The following GALNTL6 variants were observed in gnomAD, a reference collection of about 807,000 sequenced individuals.
The protein encoded by GALNTL6 is polypeptide N-acetylgalactosaminyltransferase-like 6.
Under a neutral mutation model 73.7 loss-of-function variants are expected in GALNTL6, and 46 were observed. That is an observed-to-expected ratio of 0.62 (90% CI 0.49 to 0.80). The LOEUF (loss-of-function observed/expected upper bound fraction) is 0.80, where lower values mean the gene tolerates loss of function less well. Among genes scored for constraint, GALNTL6 ranks in the 30% least tolerant of loss-of-function variants. The pLI is 0.00. For synonymous variants in GALNTL6, 259 were observed against 263.7 expected (o/e 0.98, Z 0.17); for missense variants, 604 against 755.0 (o/e 0.80, Z 2.34).
In GALNTL6 at chr4:172,809,685, C is replaced by A; in HGVS notation, c.739+139C>A. 1.6e-6 allele frequency: 1 copy of A among 610,550 alleles called. No homozygotes were observed. Among genetic ancestry groups the A allele is most frequent in the East Asian group, 2.9e-5 (1 of 34,120 alleles). The allele number at this position is 610,550 out of a possible 1,614,324, so 37.8% of individuals were successfully genotyped here. On this transcript the variant is annotated intron_variant, in intron 6 of 12. Coordinates refer to ENST00000506823, the MANE Select transcript of GALNTL6 (RefSeq NM_001034845.3). The surrounding 1 kb of genome is among the most constrained non-coding windows in gnomAD (Gnocchi z 4.4). Reference sequence around the variant, plus strand: ...GGGAAGCCTTGAATTTTATATTTACCACTGCTGAAAACAGTTTACTAGGTA... The same window carrying A: ...GGGAAGCCTTGAATTTTATATTTACAACTGCTGAAAACAGTTTACTAGGTA...
chr4:172,709,610 G>A (rs992417881), intron 5 of GALNTL6, among the ~76,000 whole-genome samples: 1 of 152,108 alleles, frequency 6.6e-6, no homozygotes, highest in African/African-American at 2.4e-5. Context: ...TCAGCAACCA[G>A]GGCCCTCAAC....
chr4:172,609,090 G>A (rs1037801425), intron 5 of GALNTL6, among the ~76,000 whole-genome samples: 4 of 152,140 alleles, frequency 2.6e-5, no homozygotes, highest in African/African-American at 9.7e-5. Flanking sequence ...CAAACAAATA[G>A]TTTGACTTGC....
At chr4:172,594,762 C>A (rs535092791) in intron 5 of GALNTL6, among the ~76,000 whole-genome samples, 1 of 152,132 alleles carries the variant, frequency 6.6e-6, no homozygotes, top group Non-Finnish European at 1.5e-5. Context: ...TAATGTTGTC[C>A]AATTTAGTAC....
At chr4:171,965,101 T>G (rs556048136) in intron 2 of GALNTL6, among the ~76,000 whole-genome samples, 1 of 152,340 alleles carries the variant, frequency 6.6e-6, no homozygotes, top group South Asian at 2.1e-4. Context: ...TGCCTTAGAA[T>G]GCAATCCTTT....
chr4:172,801,475 C>CT (rs1196338255), intron 5 of GALNTL6, among the ~76,000 whole-genome samples: 1 of 152,114 alleles, frequency 6.6e-6, no homozygotes, highest in Non-Finnish European at 1.5e-5. Context: ...CACCAATAAT[C>CT]TTTTTTTCAT....
chr4:172,367,888 A>C lies in GALNTL6; in HGVS notation c.553+19199A>C, dbSNP rs150158218. On this transcript the variant is annotated intron_variant, in intron 5 of 12. Transcript: ENST00000506823. ...CTTATAAGGTTAATGTAAATTTGCT[A>C]TACTCCAGACTTTTAAGCCTTAATT... 4.1e-3 allele frequency among the ~76,000 whole-genome samples: 620 copies of C among 152,352 alleles called. 2 individuals are homozygous for C. Among genetic ancestry groups the C allele is most frequent in the African/African-American group, 0.014 (577 of 41,580 alleles).
Position 172,713,632 on chromosome 4 carries a change from G to A in GALNTL6, c.554-95729G>A, listed in dbSNP as rs115772168. Among the ~76,000 whole-genome samples, 266 of 152,214 alleles carry A rather than the reference G, an allele frequency of 1.7e-3. 3 individuals carry two copies. The highest frequency in any genetic ancestry group is 6.1e-3 in the African/African-American group (254 of 41,544). ...TAACTGTCACATCTTCTTTTTATCA[G>A]AAAGTAATATGAAAATAAAATATGG... On this transcript the variant is annotated intron_variant, in intron 5 of 12. Coordinates refer to ENST00000506823, the MANE Select transcript of GALNTL6 (RefSeq NM_001034845.3).
At chr4:172,857,427 G>A (rs887072903) in intron 7 of GALNTL6, among the ~76,000 whole-genome samples, 3 of 152,086 alleles carry the variant, frequency 2.0e-5, no homozygotes, top group Non-Finnish European at 4.4e-5. Context: ...GGATCACTAT[G>A]AGACACGTTG....
intron 5 of GALNTL6, among the ~76,000 whole-genome samples, chr4:172,607,356 C>CA (rs143000669): frequency 1.3e-3 from 202 of 152,224 alleles, no homozygotes; most frequent in Non-Finnish European, 2.4e-3. Flanking sequence ...CATGTGTACT[C>CA]AATGTTTAGC....
At chr4:172,354,190 TTTATGTCTCAG>T (rs1369685953) in intron 5 of GALNTL6, among the ~76,000 whole-genome samples, 1 of 152,094 alleles carries the variant, frequency 6.6e-6, no homozygotes, top group Non-Finnish European at 1.5e-5. Context: ...ACAAGCAATT[TTTATGTCTCAG>T]ATTTATTGAG....
At chr4:172,825,878 T>G (rs1742238927) in intron 7 of GALNTL6, among the ~76,000 whole-genome samples, 1 of 152,136 alleles carries the variant, frequency 6.6e-6, no homozygotes. Context: ...CAATTTAAAG[T>G]TAATGAAGAA....
intron 5 of GALNTL6, among the ~76,000 whole-genome samples, chr4:172,537,578 G>T (rs188314995): frequency 6.1e-4 from 93 of 152,230 alleles, no homozygotes; most frequent in African/African-American, 1.9e-3. Context: ...AAATTATCTA[G>T]TCTTGGGTGT....
intron 4 of GALNTL6, among the ~76,000 whole-genome samples, chr4:172,337,466 G>A (rs777655363): frequency 1.1e-4 from 17 of 152,064 alleles, no homozygotes; most frequent in Non-Finnish European, 2.4e-4. Context: ...CTTTTATAAG[G>A]TTGGTCTATT....
intron 2 of GALNTL6, among the ~76,000 whole-genome samples, chr4:171,975,266 A>C (rs907268082): frequency 7.9e-5 from 12 of 152,144 alleles, no homozygotes; most frequent in African/African-American, 2.9e-4. Flanking sequence ...TGAAATTAGC[A>C]CCCAGGATAT....
intron 5 of GALNTL6, among the ~76,000 whole-genome samples, chr4:172,707,668 G>A (rs528000675): frequency 6.6e-6 from 1 of 152,232 alleles, no homozygotes; most frequent in Admixed American, 6.5e-5. Flanking sequence ...ATTGTGACAG[G>A]TGTCAAGACT....
At chr4:171,975,396 G>A (rs1739691427) in intron 2 of GALNTL6, among the ~76,000 whole-genome samples, 3 of 152,078 alleles carry the variant, frequency 2.0e-5, no homozygotes, top group African/African-American at 7.2e-5. Context: ...TTATTACTGA[G>A]TGGCCTAAAA....
chr4:172,570,866 C>G (rs1237928930), intron 5 of GALNTL6, among the ~76,000 whole-genome samples: 3 of 152,108 alleles, frequency 2.0e-5, no homozygotes, highest in Admixed American at 6.6e-5. Context: ...TGATGGGAGA[C>G]AGTGACAGAT....
At chr4:172,245,275 G>A (rs1478380794) in intron 3 of GALNTL6, among the ~76,000 whole-genome samples, 5 of 151,976 alleles carry the variant, frequency 3.3e-5, no homozygotes, top group Admixed American at 6.6e-5. Context: ...AATACCTACC[G>A]TACCTAATGT....
intron 2 of GALNTL6, among the ~76,000 whole-genome samples, chr4:172,128,842 T>C (rs1183824964): frequency 6.6e-6 from 1 of 152,162 alleles, no homozygotes; most frequent in African/African-American, 2.4e-5. Context: ...ATTTGCAGGC[T>C]TTTTTCCCCC....
Sources: gnomAD v4.1 joint callset for allele counts (sites outside exome capture counted in the v4.1 genomes callset) on GRCh38, gnomAD v4.1.1 for gene constraint, Gnocchi (gnomAD v3.1) non-coding constraint, MANE v1.5 for transcripts, NCBI Gene and HGNC (gene_info 2026-07-23, HGNC 2026-07-21) for gene names.